The following STXBP5L variants were observed in gnomAD, a reference collection of about 807,000 sequenced individuals.
STXBP5L encodes syntaxin binding protein 5L.
In STXBP5L, 65 loss-of-function variants were observed where a neutral mutation model predicts 144.5. The observed-to-expected ratio is 0.45, with a 90% CI of 0.37 to 0.55. The LOEUF (loss-of-function observed/expected upper bound fraction) is 0.55. STXBP5L is among the 20% of genes least tolerant of loss of function. STXBP5L has a pLI of 0.00. For missense variants in STXBP5L, 1,298 were observed against 1,405.5 expected, an observed-to-expected ratio of 0.92 and a Z score of 1.22; for synonymous variants, 505 against 469.6, an observed-to-expected ratio of 1.08 and a Z score of -0.97.
At chr3:121,034,388 TCA>T (rs1247300808) in intron 3 of STXBP5L, among the ~76,000 whole-genome samples, 2 of 152,160 alleles carry the variant, frequency 1.3e-5, no homozygotes, top group East Asian at 1.9e-4. Context: ...CTGTAATATT[TCA>T]CAGTTTCTGA....
chr3:121,187,221 A>C (rs962363644), intron 9 of STXBP5L, among the ~76,000 whole-genome samples: 59 of 152,304 alleles, frequency 3.9e-4, no homozygotes, highest in African/African-American at 1.4e-3. Context: ...CTATGCAGCC[A>C]TAAAAAATGA....
chr3:121,227,228 C>T (rs1312988801), intron 11 of STXBP5L, among the ~76,000 whole-genome samples: 1 of 152,092 alleles, frequency 6.6e-6, no homozygotes, highest in Non-Finnish European at 1.5e-5. Flanking sequence ...ATTTGGAAAA[C>T]AAAACATTTA....
chr3:121,091,255 T>A (rs1182727211), intron 5 of STXBP5L, among the ~76,000 whole-genome samples: 3 of 147,196 alleles, frequency 2.0e-5, no homozygotes, highest in Non-Finnish European at 4.4e-5. Context: ...GCATGTGTCT[T>A]TATAGCAGCA....
chr3:121,413,345 T>C (rs2047162408), intron 24 of STXBP5L, 22 bp downstream of exon 24: 1 of 1,499,390 alleles, frequency 6.7e-7, no homozygotes, highest in Non-Finnish European at 8.9e-7. Flanking sequence ...GTTACATTTA[T>C]GAAAAAGACA....
chr3:121,057,146 A>G (rs1242194418), intron 5 of STXBP5L, among the ~76,000 whole-genome samples: 1 of 151,992 alleles, frequency 6.6e-6, no homozygotes, highest in Non-Finnish European at 1.5e-5. Flanking sequence ...ACATGGATGA[A>G]ACTCATAAAT....
chr3:121,388,483 G>A (rs915808286), intron 22 of STXBP5L, among the ~76,000 whole-genome samples: 15 of 151,598 alleles, frequency 9.9e-5, no homozygotes, highest in Non-Finnish European at 1.9e-4. Flanking sequence ...GCCAGAAAGG[G>A]AATGCTTCCA....
chr3:121,143,174 C>CT (rs1439385016), intron 7 of STXBP5L, among the ~76,000 whole-genome samples: 1 of 151,062 alleles, frequency 6.6e-6, no homozygotes, highest in Non-Finnish European at 1.5e-5. Context: ...AACAGAACGT[C>CT]TAAGAACTAG....
chr3:120,955,138 A>AT (rs1937882597), intron 3 of STXBP5L, 101 bp downstream of exon 3: 1 of 829,894 alleles, frequency 1.2e-6, no homozygotes, highest in Admixed American at 3.1e-5. Context: ...AAAGTTTATT[A>AT]TTTTTTAAGA....
intron 9 of STXBP5L, among the ~76,000 whole-genome samples, chr3:121,185,579 G>A (rs959558271): frequency 1.3e-5 from 2 of 152,068 alleles, no homozygotes; most frequent in Admixed American, 1.3e-4. Flanking sequence ...TCTTGTTTTT[G>A]TCAGGTTTGT....
chr3:121,156,868 G>A (rs1482686335), intron 8 of STXBP5L, among the ~76,000 whole-genome samples: 1 of 151,982 alleles, frequency 6.6e-6, no homozygotes, highest in African/African-American at 2.4e-5. Context: ...TATGCAAATA[G>A]TATGCTGTTT....
intron 9 of STXBP5L, among the ~76,000 whole-genome samples, chr3:121,168,753 C>A (rs1577102096): frequency 6.6e-6 from 1 of 152,108 alleles, no homozygotes; most frequent in African/African-American, 2.4e-5. Flanking sequence ...TGGAACCAAG[C>A]TGGAAAACAC....
intron 5 of STXBP5L, among the ~76,000 whole-genome samples, chr3:121,096,247 TC>T (rs1412588288): frequency 6.6e-6 from 1 of 152,170 alleles, no homozygotes; most frequent in Non-Finnish European, 1.5e-5. Flanking sequence ...TGGAACCACC[TC>T]CTCCTCTAAC....
intron 9 of STXBP5L, among the ~76,000 whole-genome samples, chr3:121,170,747 G>A (rs574726972): frequency 1.5e-4 from 23 of 152,128 alleles, no homozygotes; most frequent in Admixed American, 3.9e-4. Context: ...ATTCACAGCC[G>A]AATTCTCCCA....
chr3:120,984,335 C>T (rs370137739), intron 3 of STXBP5L, among the ~76,000 whole-genome samples: 4 of 152,242 alleles, frequency 2.6e-5, no homozygotes, highest in African/African-American at 9.6e-5. Flanking sequence ...TCCTCCAAAC[C>T]CAGAGTTCTG....
rs145229317 is a variant in STXBP5L at position 121,018,102 on chromosome 3, T to TGAAA, written c.288-23595_288-23594insAGAA. On this transcript the variant is annotated intron_variant, in intron 3 of 26. Coordinates refer to ENST00000471454, the MANE Select transcript of STXBP5L (RefSeq NM_001308330.2). ...TCAAATGAATGAATGAATGAATGAA[T>TGAAA]GAAGAGATATTCCAGGTACATGGAT... 2.2e-4 allele frequency among the ~76,000 whole-genome samples: 34 copies of TGAAA among 152,098 alleles called. No individual in the cohort carries two copies. The East Asian group carries it at 6.4e-3, about 29-fold the overall frequency.
intron 11 of STXBP5L, among the ~76,000 whole-genome samples, chr3:121,225,458 G>A (rs1386140603): frequency 6.6e-6 from 1 of 152,022 alleles, no homozygotes; most frequent in Non-Finnish European, 1.5e-5. Flanking sequence ...TTGGGAGAAG[G>A]AAATATGGAC....
intron 10 of STXBP5L, among the ~76,000 whole-genome samples, chr3:121,212,629 G>T (rs1168307703): frequency 1.3e-5 from 2 of 152,138 alleles, no homozygotes; most frequent in African/African-American, 4.8e-5. Context: ...TTGCAGTATA[G>T]TTTGAAGTCA....
intron 3 of STXBP5L, among the ~76,000 whole-genome samples, chr3:120,987,375 G>T (rs958363311): frequency 6.6e-6 from 1 of 151,856 alleles, no homozygotes; most frequent in Non-Finnish European, 1.5e-5. Context: ...GCTGGCTAAT[G>T]ACATTGAATA....
intron 3 of STXBP5L, among the ~76,000 whole-genome samples, chr3:120,962,757 C>T (rs182958996): frequency 1.3e-5 from 2 of 152,142 alleles, no homozygotes; most frequent in African/African-American, 2.4e-5. Flanking sequence ...CTTGGCAATG[C>T]AGGCCCTTTT....
Sources: gnomAD v4.1 joint callset for allele counts (sites outside exome capture counted in the v4.1 genomes callset) on GRCh38, gnomAD v4.1.1 for gene constraint, MANE v1.5 for transcripts, NCBI Gene and HGNC (gene_info 2026-07-23, HGNC 2026-07-21) for gene names.